ADGRG2: variants seen among roughly 807,000 people sequenced by gnomAD.
ADGRG2 encodes the protein adhesion G protein-coupled receptor G2.
ADGRG2 carries 26 observed loss-of-function variants against 74.1 expected under a neutral mutation model. The ratio of observed to expected loss-of-function variants is 0.35; its 90% CI spans 0.26 to 0.49. ADGRG2 has a LOEUF of 0.49. Among genes scored for constraint, ADGRG2 ranks in the 20% least tolerant of loss-of-function variants. The pLI, the probability that ADGRG2 is intolerant of heterozygous loss-of-function variation, is 0.99. For missense variants in ADGRG2, 619 were observed against 763.1 expected, an observed-to-expected ratio of 0.81 and a Z score of 2.22; for synonymous variants, 296 against 295.2, an observed-to-expected ratio of 1.00 and a Z score of -0.03.
intron 2 of ADGRG2, among the ~76,000 whole-genome samples, chrX:19,075,633 A>G (rs902123085): frequency 4.6e-5 from 5 of 108,182 alleles, no homozygotes; most frequent in Non-Finnish European, 9.5e-5. Context: ...AAAAAAAAAA[A>G]AAAAAAGAAA....
In ADGRG2 at chrX:19,019,644, C is replaced by G. The variant is rs2060546668; in HGVS notation, c.665G>C (p.Arg222Thr). ...TTCTGGGGAGGAAGGGCAGGGTATCCTGACAGAACAGCAGCAGTGTTCTAG... is the reference window on the plus strand; with the variant it reads ...TTCTGGGGAGGAAGGGCAGGGTATCGTGACAGAACAGCAGCAGTGTTCTAG... The part of the protein sequence containing the change: ...RPMEHCCCSV[R>T]IPCPSSPEEL... Residue 222 changes from arginine (R) to threonine (T), a missense_variant, in exon 15 of 29, where the codon AGG (arginine) becomes ACG (threonine). Coordinates refer to ENST00000379869, the MANE Select transcript of ADGRG2 (RefSeq NM_001079858.3). 8.6e-7 allele frequency: 1 copy of G among 1,168,047 alleles called. No individual in the cohort carries two copies. Among genetic ancestry groups the G allele is most frequent in the African/African-American group, 1.8e-5 (1 of 56,147 alleles).
At chrX:19,035,266 G>A (rs946587161) in intron 7 of ADGRG2, 1 of 112,378 alleles carries the variant, frequency 8.9e-6, no homozygotes, top group African/African-American at 3.2e-5. Flanking sequence ...CTGACCCTTA[G>A]AATGCAATCC....
intron 1 of ADGRG2, among the ~76,000 whole-genome samples, chrX:19,103,291 C>T (rs1272440492): frequency 9.0e-6 from 1 of 111,711 alleles, no homozygotes; most frequent in African/African-American, 3.3e-5. Context: ...GCCATGGCAA[C>T]ATCAGGAAGT....
chrX:19,110,904 T>C (rs1000580076), intron 1 of ADGRG2, among the ~76,000 whole-genome samples: 1 of 111,003 alleles, frequency 9.0e-6, no homozygotes, highest in African/African-American at 3.3e-5. Flanking sequence ...AATGACACAA[T>C]CCAACTAATG....
chrX:19,079,208 GA>G (rs1167910677), intron 2 of ADGRG2, among the ~76,000 whole-genome samples: 5 of 111,684 alleles, frequency 4.5e-5, no homozygotes, highest in Non-Finnish European at 9.4e-5. Context: ...TAAGGAATAA[GA>G]GTTTCAATCG....
Position 19,003,947 on chromosome X carries a change from A to C in ADGRG2, c.1961+811T>G, listed in dbSNP as rs760416972. 8.9e-5 allele frequency among the ~76,000 whole-genome samples: 10 copies of C among 112,460 alleles called. No individual in the cohort carries two copies. The South Asian group carries it at 3.6e-3, about 41-fold the overall frequency. ...ATGACATGTTCATGTTTATGCATGCAAAATTAGATCCGATGAAATCATTCT... is the reference window on the plus strand; with the variant it reads ...ATGACATGTTCATGTTTATGCATGCCAAATTAGATCCGATGAAATCATTCT... On this transcript the variant is annotated intron_variant, in intron 23 of 28. Coordinates refer to ENST00000379869, the MANE Select transcript of ADGRG2 (RefSeq NM_001079858.3).
intron 24 of ADGRG2, 49 bp from the exon 25 acceptor site, chrX:19,000,009 T>TG: frequency 1.4e-6 from 1 of 706,132 alleles, no homozygotes; most frequent in South Asian, 2.4e-5. Context: ...TTTTTTTTTT[T>TG]TTGAGACGGA....
intron 1 of ADGRG2, among the ~76,000 whole-genome samples, chrX:19,105,743 T>A (rs2062275165): frequency 9.2e-6 from 1 of 109,183 alleles, no homozygotes; most frequent in Non-Finnish European, 1.9e-5. Flanking sequence ...AAAATTTTTT[T>A]AAATACAAAA....
chrX:19,040,993 T>C (rs1678523199), intron 3 of ADGRG2, among the ~76,000 whole-genome samples: 1 of 111,252 alleles, frequency 9.0e-6, no homozygotes, highest in Non-Finnish European at 1.9e-5. Flanking sequence ...TATGTGTATA[T>C]ATTTACATAT....
At chrX:19,116,264 A>AC (rs2062511974) in intron 1 of ADGRG2, among the ~76,000 whole-genome samples, 1 of 109,878 alleles carries the variant, frequency 9.1e-6, no homozygotes. Flanking sequence ...TAATCCCAGC[A>AC]CTATAGGAGG....
chrX:19,057,883 G>A (rs1053877550), intron 3 of ADGRG2, among the ~76,000 whole-genome samples: 4 of 111,772 alleles, frequency 3.6e-5, no homozygotes, highest in African/African-American at 1.3e-4. Flanking sequence ...TGTTTGTACC[G>A]TTTGGGATTA....
chrX:19,027,257 A>G lies in ADGRG2; in HGVS notation c.432T>C (p.Asn144=). The change falls in exon 11 of 29, where the codon AAT becomes AAC. Residue 144 remains asparagine, a synonymous_variant. Transcript: ENST00000379869. The part of the protein sequence containing the change: ...STVPQNQHIT[N]GTLTGVLSLS... ...GAGACAGGACTCCAGTTAAGGTGCCATTCGTTATATGTTGATTCTGTTAGA... is the reference window on the plus strand; with the variant it reads ...GAGACAGGACTCCAGTTAAGGTGCCGTTCGTTATATGTTGATTCTGTTAGA... 1 of 1,132,257 alleles carries G rather than the reference A, an allele frequency of 8.8e-7. No individual in the cohort carries two copies. The highest frequency in any genetic ancestry group is 1.2e-6 in the Non-Finnish European group (1 of 822,961). 93.3% of individuals were successfully genotyped at this position (1,132,257 alleles called of 1,213,427 possible).
At chrX:19,079,645 C>T (rs1322880352) in intron 2 of ADGRG2, among the ~76,000 whole-genome samples, 1 of 112,066 alleles carries the variant, frequency 8.9e-6, no homozygotes, top group African/African-American at 3.2e-5. Context: ...AAAGTAAAGC[C>T]AATGCTGAGC....
rs1334998351 is a variant in ADGRG2, at chrX:19,006,078, C to T, written c.1763G>A (p.Gly588Asp). Residue 588 changes from glycine to aspartate, a missense_variant, in exon 22 of 29, where the codon GGC becomes GAC. By Grantham distance (94) the Gly-to-Asp change is moderately conservative (BLOSUM62 -1). Transcript: ENST00000379869. Reference protein sequence around the residue: ...NGGRGGWSDNGCSVKDRRLNE... With the variant: ...NGGRGGWSDNDCSVKDRRLNE... ...CAATCTCCTGTCTTTGACAGAGCAG[C>T]CATTGTCTGACCAGCCTCCTCTGCC... 2.5e-6 allele frequency: 3 copies of T among 1,205,414 alleles called. No homozygotes were observed. In the African/African-American group the frequency reaches 5.3e-5, roughly 21 times the overall value.
At chrX:19,003,225 C>G (rs1179253819) in intron 23 of ADGRG2, 111 bp from the exon 24 acceptor site, 2 of 538,014 alleles carry the variant, frequency 3.7e-6, no homozygotes, top group African/African-American at 4.7e-5. Flanking sequence ...AGTGCAGTAG[C>G]GTGATCTCAG....
At chrX:19,089,886 T>C (rs2061989433) in intron 1 of ADGRG2, among the ~76,000 whole-genome samples, 1 of 112,074 alleles carries the variant, frequency 8.9e-6, no homozygotes, top group Non-Finnish European at 1.9e-5. Flanking sequence ...TGTGAACTAA[T>C]TAAATGGTTG....
At chrX:19,106,699 G>A (rs1217497846) in intron 1 of ADGRG2, among the ~76,000 whole-genome samples, 2 of 110,806 alleles carry the variant, frequency 1.8e-5, no homozygotes, top group African/African-American at 6.6e-5. Flanking sequence ...TGGGCAGATC[G>A]CTTGAGGCCA....
intron 2 of ADGRG2, among the ~76,000 whole-genome samples, chrX:19,071,733 T>C (rs932222624): frequency 5.4e-5 from 6 of 110,964 alleles, no homozygotes; most frequent in Non-Finnish European, 9.4e-5. Context: ...CACTGAGTTG[T>C]ACACATATAT....
At chrX:19,061,095 T>C (rs771201808) in intron 3 of ADGRG2, among the ~76,000 whole-genome samples, 17 of 111,604 alleles carry the variant, frequency 1.5e-4, no homozygotes, top group Non-Finnish European at 2.4e-4. Flanking sequence ...CTTCCTCATA[T>C]GGAGGAGGGG....
Sources: gnomAD v4.1 joint callset for allele counts (sites outside exome capture counted in the v4.1 genomes callset) on GRCh38, gnomAD v4.1.1 for gene constraint, MANE v1.5 for transcripts, NCBI Gene and HGNC (gene_info 2026-07-23, HGNC 2026-07-21) for gene names.